The following NR3C2 variants were observed in gnomAD, a reference collection of about 807,000 sequenced individuals.
NR3C2 encodes nuclear receptor subfamily 3 group C member 2, also known as mineralocorticoid receptor.
A neutral mutation model predicts 86.4 loss-of-function variants in NR3C2; 15 were observed. The ratio of observed to expected loss-of-function variants is 0.17; its 90% confidence interval spans 0.12 to 0.27. The LOEUF (loss-of-function observed/expected upper bound fraction) is 0.27. Among genes scored for constraint, NR3C2 ranks in the 10% least tolerant of loss-of-function variants. The pLI is 1.00. For missense variants in NR3C2, 960 were observed against 1,195.6 expected (o/e 0.80, Z 2.91); for synonymous variants, 458 against 450.5 (o/e 1.02, Z -0.21).
At chr4:148,366,937 A>G (rs1005316889) in intron 2 of NR3C2, among the ~76,000 whole-genome samples, 14 of 152,140 alleles carry the variant, frequency 9.2e-5, no homozygotes, top group African/African-American at 3.1e-4. Flanking sequence ...CAAAAAAACT[A>G]CTTCACTCCT....
chr4:148,323,861 T>C (rs1225374889), intron 2 of NR3C2, among the ~76,000 whole-genome samples: 1 of 131,114 alleles, frequency 7.6e-6, no homozygotes, highest in African/African-American at 3.4e-5. Flanking sequence ...CGCTGGGAGC[T>C]GTGGACCGGA....
chr4:148,184,606 A>G (rs560352750), intron 4 of NR3C2, among the ~76,000 whole-genome samples: 60 of 152,312 alleles, frequency 3.9e-4, no homozygotes, highest in Admixed American at 9.8e-4. Context: ...TATTATTTGT[A>G]AAGTACTCTA....
At chr4:148,243,819 G>A (rs529720045) in intron 3 of NR3C2, among the ~76,000 whole-genome samples, 2 of 152,294 alleles carry the variant, frequency 1.3e-5, no homozygotes, top group Admixed American at 6.5e-5. Context: ...CAAATCAGCT[G>A]TGGATTTCAA....
intron 2 of NR3C2, among the ~76,000 whole-genome samples, chr4:148,412,896 G>C (rs1374465178): frequency 2.0e-5 from 3 of 151,882 alleles, no homozygotes. Context: ...TCACACCCCA[G>C]GTGACAAACT....
intron 2 of NR3C2, among the ~76,000 whole-genome samples, chr4:148,263,599 T>G (rs1417491048): frequency 6.6e-6 from 1 of 152,220 alleles, no homozygotes; most frequent in African/African-American, 2.4e-5. Context: ...AATGCCACCA[T>G]AAATAAAAAT....
In NR3C2 at chr4:148,095,627, G is replaced by A. The variant is rs116152721; in HGVS notation, c.2800-14128C>T. ...GGTGCAGCAGCTAAATGCTAGGCAC[G>A]TGAGAGGCATTTGGGGACCTTAGAG... On this transcript the variant is annotated intron_variant, in intron 8 of 8. Coordinates refer to ENST00000358102, the MANE Select transcript of NR3C2 (RefSeq NM_000901.5). Among the ~76,000 whole-genome samples, 349 of 152,306 alleles carry A rather than the reference G, an allele frequency of 2.3e-3. 3 individuals are homozygous for A. Among genetic ancestry groups the A allele is most frequent in the African/African-American group, 7.7e-3 (322 of 41,566 alleles).
chr4:148,406,897 T>C (rs1349208021), intron 2 of NR3C2, among the ~76,000 whole-genome samples: 5 of 152,132 alleles, frequency 3.3e-5, no homozygotes, highest in Non-Finnish European at 7.4e-5. Flanking sequence ...ATAGTTTCAG[T>C]GAGATGTGAA....
chr4:148,190,524 T>C (rs1578993163), intron 4 of NR3C2, among the ~76,000 whole-genome samples: 2 of 152,220 alleles, frequency 1.3e-5, no homozygotes, highest in East Asian at 3.9e-4. Context: ...CTGGATGAAA[T>C]GTTCTGTATA....
chr4:148,159,249 C>T (rs1277757540), intron 4 of NR3C2, among the ~76,000 whole-genome samples: 4 of 151,992 alleles, frequency 2.6e-5, no homozygotes, highest in East Asian at 1.9e-4. Flanking sequence ...TTTTAATAAA[C>T]GTTAACAAAC....
intron 8 of NR3C2, among the ~76,000 whole-genome samples, chr4:148,095,205 A>G (rs1184535957): frequency 6.6e-6 from 1 of 151,622 alleles, no homozygotes; most frequent in Non-Finnish European, 1.5e-5. Flanking sequence ...TTTTGAAAAA[A>G]CAGATTCTAA....
At chr4:148,097,062 T>G (rs1731308982) in intron 8 of NR3C2, among the ~76,000 whole-genome samples, 1 of 152,206 alleles carries the variant, frequency 6.6e-6, no homozygotes, top group African/African-American at 2.4e-5. Context: ...CCAAATTAAG[T>G]GATATGGTGG....
chr4:148,372,733 T>C (rs948586698), intron 2 of NR3C2, among the ~76,000 whole-genome samples: 2 of 152,220 alleles, frequency 1.3e-5, no homozygotes, highest in Non-Finnish European at 2.9e-5. Context: ...ACTGGATCAA[T>C]TCTAAAGAAA....
intron 7 of NR3C2, among the ~76,000 whole-genome samples, chr4:148,118,035 C>T (rs186224122): frequency 3.7e-4 from 56 of 152,320 alleles, no homozygotes; most frequent in African/African-American, 1.1e-3. Context: ...TTCCTCTCCA[C>T]ATTGTCTCCT....
chr4:148,108,430 A>G (rs1207667233), intron 8 of NR3C2, among the ~76,000 whole-genome samples: 1 of 152,072 alleles, frequency 6.6e-6, no homozygotes, highest in Admixed American at 6.6e-5. Context: ...TGCCCTTTTG[A>G]CCTAAAGAAT....
At chr4:148,356,045 T>A (rs1223375694) in intron 2 of NR3C2, among the ~76,000 whole-genome samples, 2 of 152,204 alleles carry the variant, frequency 1.3e-5, no homozygotes, top group African/African-American at 4.8e-5. Context: ...TGAGTGCCAC[T>A]ATCAATCAAG....
chr4:148,176,006 T>C (rs1735358789), intron 4 of NR3C2, among the ~76,000 whole-genome samples: 1 of 152,144 alleles, frequency 6.6e-6, no homozygotes, highest in Non-Finnish European at 1.5e-5. Context: ...AAATTTTAAA[T>C]TGTTCATAAA....
intron 1 of NR3C2, among the ~76,000 whole-genome samples, chr4:148,440,426 T>A (rs72645701): frequency 1.3e-5 from 2 of 152,246 alleles, no homozygotes; most frequent in African/African-American, 2.4e-5. Context: ...AATATGATCC[T>A]CATAGAACTT....
At chr4:148,210,750 GC>G (rs1737243898) in intron 3 of NR3C2, among the ~76,000 whole-genome samples, 2 of 152,104 alleles carry the variant, frequency 1.3e-5, no homozygotes, top group South Asian at 4.1e-4. Context: ...AGTTTCAAAA[GC>G]CTTTTCTATC....
intron 6 of NR3C2, among the ~76,000 whole-genome samples, chr4:148,140,088 G>A (rs988873600): frequency 6.6e-6 from 1 of 152,152 alleles, no homozygotes; most frequent in Non-Finnish European, 1.5e-5. Flanking sequence ...TGTGTCAAGG[G>A]GGGAGTCTGG....
Sources: allele counts gnomAD v4.1 joint callset (sites outside exome capture counted in the v4.1 genomes callset), GRCh38; gene constraint gnomAD v4.1.1; transcripts MANE v1.5; gene names NCBI Gene and HGNC (gene_info 2026-07-23, HGNC 2026-07-21).